PEPD: variants seen among roughly 807,000 people sequenced by gnomAD.
PEPD encodes xaa-Pro dipeptidase.
Under a neutral mutation model 60.7 loss-of-function variants are expected in PEPD, and 53 were observed. The ratio of observed to expected loss-of-function variants is 0.87; its 90% CI spans 0.70 to 1.10. The LOEUF is 1.10. PEPD is among the 50% of genes least tolerant of loss of function. The probability of loss-of-function intolerance (pLI) is 0.00; values close to 1 mark genes in which losing one functional copy is unlikely to be tolerated. For missense variants in PEPD, 711 were observed against 711.9 expected, an observed-to-expected ratio of 1.00 and a Z score of 0.01; for synonymous variants, 267 against 284.1, an observed-to-expected ratio of 0.94 and a Z score of 0.60.
At chr19:33,412,959 ACT>A (rs910378225) in intron 10 of PEPD, among the ~76,000 whole-genome samples, 89 of 152,264 alleles carry the variant, frequency 5.8e-4, no homozygotes, top group African/African-American at 2.1e-3. Flanking sequence ...ATCCCATATC[ACT>A]GTCATTTCTA....
Position 33,497,827 on chromosome 19 carries a change from G to A in PEPD, c.393+3111C>T, listed in dbSNP as rs561366089. Among the ~76,000 whole-genome samples the A allele has an allele frequency of 2.0e-5, 3 of 152,268 alleles. No individual in the cohort carries two copies. In the South Asian group the frequency reaches 6.2e-4, roughly 32 times the overall value. On this transcript the variant is annotated intron_variant, in intron 4 of 14. Transcript: ENST00000244137. Reference sequence around the variant, plus strand: ...CACTTTTTGGCAGGCTCCCTTCAGAGCCACAGAAAATCAAAGGCACAGGGA... The same window carrying A: ...CACTTTTTGGCAGGCTCCCTTCAGAACCACAGAAAATCAAAGGCACAGGGA...
chr19:33,521,241 T>G (rs961221178), intron 1 of PEPD, among the ~76,000 whole-genome samples: 2 of 152,270 alleles, frequency 1.3e-5, no homozygotes, highest in Non-Finnish European at 2.9e-5. Context: ...CTATATAGTT[T>G]ATCAGGTGAT....
chr19:33,499,349 C>T (rs1432019068), intron 4 of PEPD, among the ~76,000 whole-genome samples: 1 of 152,146 alleles, frequency 6.6e-6, no homozygotes, highest in African/African-American at 2.4e-5. Flanking sequence ...GTGGGCAGTG[C>T]CCTTCACAGA....
intron 11 of PEPD, among the ~76,000 whole-genome samples, chr19:33,409,821 C>CACCTGGGCCTGGTGCCCTCCT (rs1464894411): frequency 2.6e-5 from 4 of 152,246 alleles, no homozygotes; most frequent in Non-Finnish European, 5.9e-5. Context: ...TCTGGCCTCA[C>CACCTGGGCCTGGTGCCCTCCT]ACCTGGGCCT....
In PEPD at chr19:33,411,901, G is replaced by A. The variant is rs1968785492; in HGVS notation, c.741-152C>T. Reference sequence around the variant, plus strand: ...GGCTGGACCAGGTCCACAGCCAGAGGTAAGGCCGGGGGACATGGTGGCCCT... The same window carrying A: ...GGCTGGACCAGGTCCACAGCCAGAGATAAGGCCGGGGGACATGGTGGCCCT... On this transcript the variant is annotated intron_variant, in intron 10 of 14. Coordinates refer to ENST00000244137, the MANE Select transcript of PEPD (RefSeq NM_000285.4). 7.2e-6 allele frequency: 5 copies of A among 697,350 alleles called. No individual in the cohort carries two copies. In the South Asian group the frequency reaches 7.5e-5, roughly 10 times the overall value. 43.2% of individuals were successfully genotyped at this position (697,350 alleles called of 1,614,324 possible).
At chr19:33,443,712 C>T (rs1007917447) in intron 9 of PEPD, among the ~76,000 whole-genome samples, 1 of 151,622 alleles carries the variant, frequency 6.6e-6, no homozygotes, top group Non-Finnish European at 1.5e-5. Context: ...AATGAATGGG[C>T]TGAAAGAGGA....
rs1430457788 is a variant in PEPD, at chr19:33,391,323, T to C, written c.1124A>G (p.Asp375Gly). The C allele has an allele frequency of 1.2e-6, 2 of 1,611,986 alleles. No homozygotes were observed. The highest frequency in any genetic ancestry group is 2.2e-5 in the East Asian group (1 of 44,840). ...PHGLGHFLGI[D>G]VHDVGGYPEG... The stretch of plus-strand genomic sequence containing the variant: ...TGGGTAGCCTCCCACGTCGTGCACG[T>C]CAATGCCCAGGAAGTGGCCAAGCCC... The change falls in exon 13 of 15, where the codon GAC becomes GGC. Residue 375 changes from aspartate (D) to glycine (G), a missense_variant. Coordinates refer to ENST00000244137, the MANE Select transcript of PEPD (RefSeq NM_000285.4).
chr19:33,439,428 C>T (rs1251072084), intron 9 of PEPD, among the ~76,000 whole-genome samples: 1 of 152,192 alleles, frequency 6.6e-6, no homozygotes, highest in Non-Finnish European at 1.5e-5. Context: ...TAGGCGGGTC[C>T]GAGTAAAGAC....
intron 9 of PEPD, among the ~76,000 whole-genome samples, chr19:33,457,850 C>T (rs1293309348): frequency 9.0e-6 from 1 of 110,992 alleles, no homozygotes; most frequent in African/African-American, 3.9e-5. Flanking sequence ...AACAAACAAA[C>T]AAGCAAACAA....
chr19:33,480,273 G>A (rs1457206717), intron 6 of PEPD, among the ~76,000 whole-genome samples: 5 of 152,066 alleles, frequency 3.3e-5, no homozygotes, highest in African/African-American at 1.2e-4. Context: ...GACAAAATAA[G>A]CCCTAAGATA....
chr19:33,447,689 G>C (rs759921586), intron 9 of PEPD, among the ~76,000 whole-genome samples: 5 of 152,190 alleles, frequency 3.3e-5, no homozygotes, highest in Non-Finnish European at 7.3e-5. Flanking sequence ...GTGGGGCCAG[G>C]CCAGTTTCCC....
intron 9 of PEPD, among the ~76,000 whole-genome samples, chr19:33,439,856 C>A (rs1193767769): frequency 2.6e-5 from 4 of 152,162 alleles, no homozygotes; most frequent in African/African-American, 9.7e-5. Context: ...GGAGCAAATG[C>A]CAAACTTTCC....
At chr19:33,472,695 G>A (rs548294132) in intron 7 of PEPD, among the ~76,000 whole-genome samples, 3 of 152,212 alleles carry the variant, frequency 2.0e-5, no homozygotes, top group Non-Finnish European at 4.4e-5. Context: ...AAATAGTAGT[G>A]AGACAAGGAT....
intron 9 of PEPD, among the ~76,000 whole-genome samples, chr19:33,434,554 C>A (rs769485466): frequency 1.3e-5 from 2 of 151,922 alleles, no homozygotes; most frequent in African/African-American, 2.4e-5. Context: ...GCAGGGCAGG[C>A]GGGAATGGGG....
At chr19:33,417,006 C>T (rs1409149356) in intron 9 of PEPD, among the ~76,000 whole-genome samples, 3 of 151,962 alleles carry the variant, frequency 2.0e-5, no homozygotes, top group South Asian at 2.1e-4. Context: ...AAATCCAGCC[C>T]GTGGAGCGCT....
intron 1 of PEPD, among the ~76,000 whole-genome samples, chr19:33,519,904 A>G (rs1971099535): frequency 6.6e-6 from 1 of 152,036 alleles, no homozygotes; most frequent in African/African-American, 2.4e-5. Flanking sequence ...CATCTCCACT[A>G]AAAATACAAA....
At chr19:33,420,527 ACCCGTCTCT>A (rs1265957177) in intron 9 of PEPD, among the ~76,000 whole-genome samples, 1 of 152,026 alleles carries the variant, frequency 6.6e-6, no homozygotes, top group Non-Finnish European at 1.5e-5. Context: ...ACATGGTAAA[ACCCGTCTCT>A]ACTAAAAACA....
rs115063655 is a variant in PEPD, at chr19:33,395,597, C to T, written c.968-4118G>A. Among the ~76,000 whole-genome samples the T allele has an allele frequency of 4.4e-3, 673 of 152,342 alleles. 8 individuals carry two copies. The highest frequency in any genetic ancestry group is 0.016 in the African/African-American group (645 of 41,584). The stretch of plus-strand genomic sequence containing the variant: ...GTCTTCTGGGTCCACTTGGTCTCCT[C>T]AGGCAGCACCCGCTCCTGCTGGGCC... On this transcript the variant is annotated intron_variant, in intron 12 of 14. Transcript: ENST00000244137.
intron 9 of PEPD, among the ~76,000 whole-genome samples, chr19:33,424,785 G>C: frequency 6.6e-6 from 1 of 152,194 alleles, no homozygotes; most frequent in Admixed American, 6.5e-5. Flanking sequence ...CACAATCATG[G>C]TGGAAGACAA....
Sources: allele counts gnomAD v4.1 joint callset (sites outside exome capture counted in the v4.1 genomes callset), GRCh38; gene constraint gnomAD v4.1.1; transcripts MANE v1.5; gene names NCBI Gene and HGNC (gene_info 2026-07-23, HGNC 2026-07-21).